LY6S: variants seen among roughly 807,000 people sequenced by gnomAD.
LY6S encodes the protein lymphocyte antigen 6 family member S.
chr8:143,068,657 T>C, the LY6S span, among the ~76,000 whole-genome samples: 1 of 152,190 alleles, frequency 6.6e-6, no homozygotes, highest in Non-Finnish European at 1.5e-5. Context: ...AGAGTCAAAA[T>C]TTTCTTGTCT....
chr8:143,054,848 C>T, the LY6S span, among the ~76,000 whole-genome samples: 143 of 152,322 alleles, frequency 9.4e-4, no homozygotes, highest in African/African-American at 3.4e-3. Flanking sequence ...CATAAACTGT[C>T]TTGGGAGACT....
chr8:143,071,194 C>CGTGGAAT, the LY6S span, among the ~76,000 whole-genome samples: 2 of 151,620 alleles, frequency 1.3e-5, no homozygotes, highest in African/African-American at 4.8e-5. Flanking sequence ...GAAGACCCGG[C>CGTGGAAT]AGCATGGATG....
At chr8:143,054,625 C>T in the LY6S span, among the ~76,000 whole-genome samples, 79 of 152,294 alleles carry the variant, frequency 5.2e-4, no homozygotes, top group African/African-American at 1.8e-3. Flanking sequence ...GAAGGGACAG[C>T]GCTCCATCGC....
chr8:143,072,650 T>TCCCTGTTTGAGGAGACAGCCGTCGTCCC, the LY6S span, among the ~76,000 whole-genome samples: 1 of 57,004 alleles, frequency 1.8e-5, no homozygotes, highest in Non-Finnish European at 3.7e-5. Context: ...GCCGTCGTCC[T>TCCCTGTTTGAGGAGACAGCCGTCGTCCC]CGGGGTCCCT....
At chr8:143,044,339 C>T in the LY6S span, 1 of 426,890 alleles carries the variant, frequency 2.3e-6, no homozygotes, top group Non-Finnish European at 4.7e-6. Context: ...TTGGTGTGGG[C>T]CCTGCTGCTG....
the LY6S span, among the ~76,000 whole-genome samples, chr8:143,047,109 G>A: frequency 0.099 from 14,958 of 151,202 alleles, 2,452 homozygotes; most frequent in African/African-American, 0.34. Context: ...TAAAACTAAC[G>A]AAAGACCACA....
At chr8:143,074,641 C>T in the LY6S span, among the ~76,000 whole-genome samples, 1 of 152,170 alleles carries the variant, frequency 6.6e-6, no homozygotes, top group Admixed American at 6.5e-5. Context: ...TCCTCCATCT[C>T]ATTTCATGTA....
chr8:143,048,096 T>C, the LY6S span: 1 of 152,206 alleles, frequency 6.6e-6, no homozygotes, highest in Non-Finnish European at 1.5e-5. Flanking sequence ...TGGAGGTTCG[T>C]CTGCGTCATT....
the LY6S span, chr8:143,049,059 C>T: frequency 2.4e-6 from 1 of 423,480 alleles, no homozygotes; most frequent in Non-Finnish European, 4.9e-6. Flanking sequence ...GCCCGTGAGA[C>T]CCAGGACGGT....
At chr8:143,064,299 G>A in the LY6S span, among the ~76,000 whole-genome samples, 2 of 152,154 alleles carry the variant, frequency 1.3e-5, no homozygotes, top group African/African-American at 2.4e-5. Context: ...GTTGCATTTC[G>A]CCCTTCCACT....
At chr8:143,068,300 T>C in the LY6S span, among the ~76,000 whole-genome samples, 1 of 152,222 alleles carries the variant, frequency 6.6e-6, no homozygotes, top group Non-Finnish European at 1.5e-5. Flanking sequence ...CAATAGAGCA[T>C]ATGTTTCTGT....
At chr8:143,073,876 G>A in the LY6S span, among the ~76,000 whole-genome samples, 219 of 144,458 alleles carry the variant, frequency 1.5e-3, 1 homozygote, top group African/African-American at 5.4e-3. Context: ...CATCGTCCCC[G>A]GGGTTCCTGT....
chr8:143,070,450 A>ATATATATATATAATATATATAT, the LY6S span, among the ~76,000 whole-genome samples: 1 of 56,194 alleles, frequency 1.8e-5, no homozygotes, highest in Admixed American at 3.1e-4. Context: ...TATATTGTAT[A>ATATATATATATAATATATATAT]TATATATATA....
the LY6S span, among the ~76,000 whole-genome samples, chr8:143,060,912 A>C: frequency 6.6e-6 from 1 of 152,204 alleles, no homozygotes; most frequent in Non-Finnish European, 1.5e-5. Context: ...ATATCTAAGA[A>C]TATAACAAAA....
chr8:143,057,691 A>C, the LY6S span: 1 of 830,746 alleles, frequency 1.2e-6, no homozygotes, highest in South Asian at 1.3e-5. Context: ...GAATCCAGCA[A>C]GCAGTAAGGC....
the LY6S span, chr8:143,054,195 A>C: frequency 6.6e-6 from 1 of 150,630 alleles, no homozygotes; most frequent in African/African-American, 2.4e-5. Flanking sequence ...AATCCCAGCT[A>C]CTTGGGAGGC....
the LY6S span, chr8:143,049,154 G>T: frequency 1.9e-6 from 1 of 534,564 alleles, no homozygotes; most frequent in African/African-American, 1.9e-5. Flanking sequence ...GGTCCAGCTT[G>T]GCTCGGGGAC....
chr8:143,045,151 G>A, the LY6S span, among the ~76,000 whole-genome samples: 3,412 of 152,190 alleles, frequency 0.022, 114 homozygotes, highest in African/African-American at 0.077. The surrounding 1 kb of genome is among the most constrained non-coding windows in gnomAD (Gnocchi z 5.3). Flanking sequence ...CTCTGCCACC[G>A]GAACACCGAA....
chr8:143,041,310 G>T, the LY6S span, among the ~76,000 whole-genome samples: 1 of 152,144 alleles, frequency 6.6e-6, no homozygotes, highest in Admixed American at 6.5e-5. Context: ...TCTTTCTCAG[G>T]GATGTTCCTT....
Sources: allele counts gnomAD v4.1 joint callset (sites outside exome capture counted in the v4.1 genomes callset), GRCh38; gene constraint gnomAD v4.1.1; non-coding constraint Gnocchi (gnomAD v3.1); transcripts MANE v1.5; gene names NCBI Gene and HGNC (gene_info 2026-07-23, HGNC 2026-07-21).